MACROD2: variants seen among roughly 807,000 people sequenced by gnomAD.
MACROD2 encodes the protein mono-ADP ribosylhydrolase 2.
A neutral mutation model predicts 70.4 loss-of-function variants in MACROD2; 36 were observed. The ratio of observed to expected loss-of-function variants is 0.51; its 90% confidence interval spans 0.39 to 0.68. The LOEUF (loss-of-function observed/expected upper bound fraction) is 0.68, where lower values mean the gene tolerates loss of function less well. MACROD2 is among the 30% of genes least tolerant of loss of function. MACROD2 has a pLI of 0.00. For synonymous variants in MACROD2, 172 were observed against 178.8 expected, an observed-to-expected ratio of 0.96 and a Z score of 0.30; for missense variants, 496 against 538.4, an observed-to-expected ratio of 0.92 and a Z score of 0.78.
At chr20:15,415,957 G>A (rs976129566) in intron 6 of MACROD2, among the ~76,000 whole-genome samples, 1 of 152,168 alleles carries the variant, frequency 6.6e-6, no homozygotes, top group African/African-American at 2.4e-5. Context: ...TCATCTCCCA[G>A]TGTGGGAGCC....
intron 2 of MACROD2, chr20:14,003,603 G>A (rs889121425): frequency 2.7e-5 from 12 of 437,554 alleles, no homozygotes; most frequent in Non-Finnish European, 5.0e-5. Context: ...TGAGCATCAT[G>A]GAACCCAAAG....
intron 5 of MACROD2, among the ~76,000 whole-genome samples, chr20:14,878,432 C>T (rs569116004): frequency 6.6e-6 from 1 of 152,138 alleles, no homozygotes; most frequent in East Asian, 1.9e-4. Context: ...TATGTCCTCT[C>T]TTTTATGTAT....
At chr20:15,879,448 T>C (rs1198155296) in intron 9 of MACROD2, among the ~76,000 whole-genome samples, 1 of 152,164 alleles carries the variant, frequency 6.6e-6, no homozygotes, top group African/African-American at 2.4e-5. Flanking sequence ...GTAGATTTCA[T>C]TAATATGTAA....
intron 5 of MACROD2, among the ~76,000 whole-genome samples, chr20:14,785,218 A>G (rs1373786245): frequency 6.6e-6 from 1 of 151,850 alleles, no homozygotes; most frequent in Non-Finnish European, 1.5e-5. Flanking sequence ...CAACTCTAAG[A>G]GCAATCATTT....
At chr20:14,256,661 A>G (rs902930827) in intron 3 of MACROD2, among the ~76,000 whole-genome samples, 1 of 152,086 alleles carries the variant, frequency 6.6e-6, no homozygotes, top group African/African-American at 2.4e-5. Flanking sequence ...CACTCTTCCT[A>G]AGGTCTCCTA....
At chr20:14,152,665 G>A (rs2055041421) in intron 3 of MACROD2, among the ~76,000 whole-genome samples, 1 of 152,090 alleles carries the variant, frequency 6.6e-6, no homozygotes, top group Non-Finnish European at 1.5e-5. Context: ...GACATCAGGT[G>A]ATCCACCCAC....
At chr20:15,325,836 A>G (rs2077923013) in intron 6 of MACROD2, among the ~76,000 whole-genome samples, 2 of 152,144 alleles carry the variant, frequency 1.3e-5, no homozygotes, top group Non-Finnish European at 2.9e-5. Context: ...GTCATACAAG[A>G]GCTGCTTAAT....
chr20:14,295,739 C>T (rs996164350), intron 3 of MACROD2, among the ~76,000 whole-genome samples: 2 of 151,914 alleles, frequency 1.3e-5, no homozygotes, highest in Admixed American at 6.6e-5. Flanking sequence ...TGTCATCTCA[C>T]AAGCAGTAGT....
intron 3 of MACROD2, chr20:14,128,124 GA>G: frequency 1.9e-6 from 1 of 531,886 alleles, no homozygotes; most frequent in African/African-American, 1.9e-5. Flanking sequence ...AGAGAAGGTT[GA>G]AATCTTGGCC....
At chr20:14,812,569 T>TAATA (rs973952034) in intron 5 of MACROD2, among the ~76,000 whole-genome samples, 2 of 151,972 alleles carry the variant, frequency 1.3e-5, no homozygotes, top group African/African-American at 2.4e-5. Flanking sequence ...TAAAGTATAA[T>TAATA]AATAAATAAA....
chr20:15,125,615 T>A (rs2076060745), intron 5 of MACROD2, among the ~76,000 whole-genome samples: 1 of 152,142 alleles, frequency 6.6e-6, no homozygotes, highest in Non-Finnish European at 1.5e-5. Flanking sequence ...GGATCATTTT[T>A]ACCATACTTT....
chr20:14,082,431 A>T (rs1387102201), intron 2 of MACROD2, among the ~76,000 whole-genome samples: 1 of 148,790 alleles, frequency 6.7e-6, no homozygotes, highest in African/African-American at 2.5e-5. Context: ...TGACCTCATG[A>T]TCCACCCGCC....
chr20:15,386,700 A>G (rs1392738496), intron 6 of MACROD2, among the ~76,000 whole-genome samples: 1 of 152,214 alleles, frequency 6.6e-6, no homozygotes, highest in African/African-American at 2.4e-5. Flanking sequence ...TAGTAACAGA[A>G]TATGTTCCTT....
chr20:14,086,715 C>A (rs2054080463), intron 3 of MACROD2, among the ~76,000 whole-genome samples: 1 of 152,072 alleles, frequency 6.6e-6, no homozygotes, highest in South Asian at 2.1e-4. Flanking sequence ...CATTGACCAA[C>A]CAGAATGGTA....
At chr20:14,468,743 C>T (rs891042628) in intron 3 of MACROD2, among the ~76,000 whole-genome samples, 1 of 152,066 alleles carries the variant, frequency 6.6e-6, no homozygotes, top group Admixed American at 6.5e-5. Context: ...AACTCTAGAC[C>T]TTGTGATCCA....
At chr20:15,152,248 GT>G (rs2076275371) in intron 5 of MACROD2, among the ~76,000 whole-genome samples, 3 of 151,940 alleles carry the variant, frequency 2.0e-5, no homozygotes, top group Admixed American at 2.0e-4. Context: ...TCAGGTGAGA[GT>G]TGAAGAGGTT....
chr20:14,520,187 C>A (rs73901267), intron 4 of MACROD2, among the ~76,000 whole-genome samples: 3,172 of 152,190 alleles, frequency 0.021, 120 homozygotes, highest in African/African-American at 0.072. Flanking sequence ...GTATAGCAAA[C>A]CTGCACGTGT....
At chr20:15,204,666 T>G (rs139485562) in intron 5 of MACROD2, among the ~76,000 whole-genome samples, 260 of 152,292 alleles carry the variant, frequency 1.7e-3, no homozygotes, top group African/African-American at 6.1e-3. Context: ...GCCTTTGTAA[T>G]AATTCCATTA....
intron 2 of MACROD2, among the ~76,000 whole-genome samples, chr20:14,033,344 C>G (rs1420666900): frequency 6.6e-6 from 1 of 151,810 alleles, no homozygotes; most frequent in Non-Finnish European, 1.5e-5. Context: ...ACAATAGTTT[C>G]TTTATATATT....
Sources: allele counts gnomAD v4.1 joint callset (sites outside exome capture counted in the v4.1 genomes callset), GRCh38; gene constraint gnomAD v4.1.1; transcripts MANE v1.5; gene names NCBI Gene and HGNC (gene_info 2026-07-23, HGNC 2026-07-21).